ARID3A: variants seen among roughly 807,000 people sequenced by gnomAD.
ARID3A encodes AT-rich interaction domain 3A.
In ARID3A, 11 loss-of-function variants were observed where a neutral mutation model predicts 52.7. The observed-to-expected ratio is 0.21, with a 90% CI of 0.13 to 0.35. The LOEUF (loss-of-function observed/expected upper bound fraction) is 0.35, where lower values mean the gene tolerates loss of function less well. Ranked by LOEUF, ARID3A falls within the 10% of genes least tolerant of loss-of-function variation. ARID3A has a pLI of 1.00. For missense variants in ARID3A, 721 were observed against 838.5 expected (o/e 0.86, Z 1.73); for synonymous variants, 404 against 359.4 (o/e 1.12, Z -1.40).
chr19:949,670 T>A (rs928452183), intron 3 of ARID3A, among the ~76,000 whole-genome samples: 6 of 132,810 alleles, frequency 4.5e-5, no homozygotes, highest in Non-Finnish European at 7.8e-5. Context: ...CAGACCCTGA[T>A]TCTGTCTTTT....
intron 3 of ARID3A, among the ~76,000 whole-genome samples, chr19:937,997 T>A (rs964557246): frequency 6.6e-6 from 1 of 151,922 alleles, no homozygotes; most frequent in Non-Finnish European, 1.5e-5. Context: ...TGTGAGCCAC[T>A]GCGCCCGGCT....
chr19:971,736 C>T, intron 8 of ARID3A, 142 bp from the exon 9 acceptor site: 1 of 1,113,630 alleles, frequency 9.0e-7, no homozygotes, highest in Non-Finnish European at 1.2e-6. Context: ...GCAGTGAGCT[C>T]TGATGCCACC....
At chr19:927,373 G>A (rs1029293689) in intron 1 of ARID3A, among the ~76,000 whole-genome samples, 1 of 151,922 alleles carries the variant, frequency 6.6e-6, no homozygotes, top group African/African-American at 2.4e-5. Flanking sequence ...GGCGATGGGG[G>A]GGCACCCAGC....
In ARID3A at chr19:964,215, G is replaced by A. The variant is rs1290662440; in HGVS notation, c.767-33G>A. ...ACTCGGCTCCCTGCAGTGCCCAGGT[G>A]GCCCCCAACCTCCCTCTCGCCCCTT... is the stretch of plus-strand genomic sequence containing the variant. On this transcript the variant is annotated intron_variant, in intron 4 of 8. Coordinates refer to ENST00000263620, the MANE Select transcript of ARID3A (RefSeq NM_005224.3). The surrounding 1 kb of genome is among the most constrained non-coding windows in gnomAD (Gnocchi z 5.7). 1.9e-6 allele frequency: 3 copies of A among 1,578,140 alleles called. No homozygotes were observed. Among genetic ancestry groups the A allele is most frequent in the South Asian group, 2.3e-5 (2 of 88,020 alleles).
rs543740933 is a variant in ARID3A at position 957,469 on chromosome 19, C to T, written c.694-2623C>T. 2.0e-5 allele frequency among the ~76,000 whole-genome samples: 3 copies of T among 152,206 alleles called. 1 individual carries two copies. Among genetic ancestry groups the T allele is most frequent in the Middle Eastern group, 6.3e-3 (2 of 316 alleles). The stretch of plus-strand genomic sequence containing the variant: ...TCCCGTCCGACCCTCAGGACAGCCC[C>T]GGGAGGCATGCTGGTGAATTTTTGC... On this transcript the variant is annotated intron_variant, in intron 3 of 8. Transcript: ENST00000263620.
At chr19:962,513 C>CTTTTTTTT (rs539409112) in intron 4 of ARID3A, among the ~76,000 whole-genome samples, 1 of 115,282 alleles carries the variant, frequency 8.7e-6, no homozygotes, top group African/African-American at 3.2e-5. Context: ...GCTGCTGATC[C>CTTTTTTTT]TTTTTTTTTT....
chr19:953,461 C>T (rs1046050780), intron 3 of ARID3A, among the ~76,000 whole-genome samples: 16 of 149,676 alleles, frequency 1.1e-4, no homozygotes, highest in African/African-American at 3.2e-4. Context: ...CTCCCACCCC[C>T]CCAGGCCTCC....
Position 929,847 on chromosome 19 carries a change from GA to G in ARID3A, c.321del (p.Pro109GlnfsTer15). 6.5e-7 allele frequency: 1 copy of G among 1,544,844 alleles called. No individual in the cohort carries two copies. On this transcript the variant is annotated frameshift_variant, in exon 2 of 9. Coordinates refer to ENST00000263620, the MANE Select transcript of ARID3A (RefSeq NM_005224.3). LOFTEE classifies it high-confidence loss of function. This position sits in a 1 kb window ranked among gnomAD's most constrained non-coding sequence, Gnocchi z 6.2. ...ACCGGGCTCACCCGGGCGAGGCAGA[GA>G]AGGGCCAGGAGAGGAGCACTTTGAG... The part of the protein sequence containing the change: ...GTPGSPGRGR[E>X]GPGEEHFEDM...
rs980580350 is a variant in ARID3A, at chr19:969,775, C to T, written c.1594+1272C>T. ...CGATCTTGACTCACTGCAACCTGTG[C>T]CTCCTGGGTTCGAGCGATTCTCCTG... On this transcript the variant is annotated intron_variant, in intron 8 of 8. Transcript: ENST00000263620. Among the ~76,000 whole-genome samples, 6 of 150,598 alleles carry T rather than the reference C, an allele frequency of 4.0e-5. No individual in the cohort carries two copies. The South Asian group carries it at 1.3e-3, about 32-fold the overall frequency.
At chr19:958,755 T>C (rs927883114) in intron 3 of ARID3A, among the ~76,000 whole-genome samples, 2 of 151,762 alleles carry the variant, frequency 1.3e-5, no homozygotes, top group African/African-American at 2.4e-5. Context: ...TATCCGGGCG[T>C]GGTGGCGGGC....
rs1053333649 is a variant in ARID3A, at chr19:942,400, CGCCGGGAGCCGG to C, written c.693+9670_693+9681del. On this transcript the variant is annotated intron_variant, in intron 3 of 8. Transcript: ENST00000263620. The surrounding 1 kb of genome is among the most constrained non-coding windows in gnomAD (Gnocchi z 8.1). ...TTGACTCAAGGTCCTCTCCACTGGC[CGCCGGGAGCCGG>C]GCCGGGAGCCGCTGCGGTGCCGACC... Among the ~76,000 whole-genome samples, 14 of 152,166 alleles carry C rather than the reference CGCCGGGAGCCGG, an allele frequency of 9.2e-5. No homozygotes were observed. Among genetic ancestry groups the C allele is most frequent in the African/African-American group, 2.7e-4 (11 of 41,442 alleles).
At chr19:965,282 T>C in intron 6 of ARID3A, 1 of 613,722 alleles carries the variant, frequency 1.6e-6, no homozygotes, top group Non-Finnish European at 2.7e-6. Flanking sequence ...TCCACACAGG[T>C]GGCAGGCAGA....
In ARID3A at chr19:973,917, C is replaced by T. The variant is rs1332926561; in HGVS notation, c.*1852C>T. 1.7e-5 allele frequency: 4 copies of T among 230,654 alleles called. No homozygotes were observed. The highest frequency in any genetic ancestry group is 6.1e-5 in the East Asian group (1 of 16,304). 14.3% of individuals were successfully genotyped at this position (230,654 alleles called of 1,614,324 possible). A position where few individuals can be genotyped will look rare whatever the true frequency, so the allele number is the denominator to read the frequency against. On this transcript the variant is annotated 3_prime_UTR_variant, in exon 9 of 9. Transcript: ENST00000263620. Reference sequence around the variant, plus strand: ...CAGGGTCTGGGGACTTCGTTGGACCCGCGTGGTGTTGGGCGGGGCTGTCGT... The same window carrying T: ...CAGGGTCTGGGGACTTCGTTGGACCTGCGTGGTGTTGGGCGGGGCTGTCGT...
At chr19:966,940 A>G in intron 7 of ARID3A, 72 bp downstream of exon 7, 1 of 1,473,244 alleles carries the variant, frequency 6.8e-7, no homozygotes, top group African/African-American at 1.4e-5. Context: ...GAGCCTACAT[A>G]TGTAAAGAGT....
chr19:957,647 C>A (rs766771151), intron 3 of ARID3A, among the ~76,000 whole-genome samples: 3 of 152,100 alleles, frequency 2.0e-5, no homozygotes, highest in Non-Finnish European at 2.9e-5. Context: ...TCGAGACCAG[C>A]CAGGGCAACA....
intron 8 of ARID3A, 132 bp from the exon 9 acceptor site, chr19:971,746 C>A: frequency 8.4e-7 from 1 of 1,184,968 alleles, no homozygotes; most frequent in Non-Finnish European, 1.1e-6. Flanking sequence ...CTGATGCCAC[C>A]ACTGCACTCT....
Position 960,427 on chromosome 19 carries a change from GAACA to G in ARID3A, c.766+264_766+267del, listed in dbSNP as rs1288304554. ...AGGGCAGTCTCAGGGCCCCAACCCA[GAACA>G]GACAGTCCAGGTCATCTCCTTAGCA... is the stretch of plus-strand genomic sequence containing the variant. On this transcript the variant is annotated intron_variant, in intron 4 of 8. Coordinates refer to ENST00000263620, the MANE Select transcript of ARID3A (RefSeq NM_005224.3). This position sits in a 1 kb window ranked among gnomAD's most constrained non-coding sequence, Gnocchi z 4.3. 2.0e-5 allele frequency among the ~76,000 whole-genome samples: 3 copies of G among 152,150 alleles called. No homozygotes were observed. The highest frequency in any genetic ancestry group is 7.2e-5 in the African/African-American group (3 of 41,490).
intron 3 of ARID3A, among the ~76,000 whole-genome samples, chr19:935,992 G>A (rs930529955): frequency 3.3e-5 from 5 of 151,622 alleles, no homozygotes; most frequent in African/African-American, 4.9e-5. Flanking sequence ...AGGTTTCACC[G>A]TGTTAGCCAG....
chr19:927,757 C>G (rs1335163949), intron 1 of ARID3A, among the ~76,000 whole-genome samples: 1 of 152,100 alleles, frequency 6.6e-6, no homozygotes, highest in Non-Finnish European at 1.5e-5. Context: ...GGCCTCCGGA[C>G]CGCCAGGCTC....
Sources: gnomAD v4.1 joint callset for allele counts (sites outside exome capture counted in the v4.1 genomes callset) on GRCh38, gnomAD v4.1.1 for gene constraint, Gnocchi (gnomAD v3.1) non-coding constraint, MANE v1.5 for transcripts, NCBI Gene and HGNC (gene_info 2026-07-23, HGNC 2026-07-21) for gene names.